The following CLPP variants were observed in gnomAD, a reference collection of about 807,000 sequenced individuals.
CLPP encodes the protein caseinolytic mitochondrial matrix peptidase proteolytic subunit, also known as ATP-dependent Clp protease proteolytic subunit, mitochondrial.
Under a neutral mutation model 27.4 loss-of-function variants are expected in CLPP, and 14 were observed. That is an observed-to-expected ratio of 0.51 (90% CI 0.34 to 0.80). CLPP has a LOEUF of 0.80. Among genes scored for constraint, CLPP ranks in the 30% least tolerant of loss-of-function variants. The pLI is 0.02. For synonymous variants in CLPP, 193 were observed against 166.6 expected (o/e 1.16, Z -1.22); for missense variants, 361 against 403.6 (o/e 0.89, Z 0.90).
At chr19:6,367,835 TG>T (rs1195640583) in intron 5 of CLPP, among the ~76,000 whole-genome samples, 1 of 151,822 alleles carries the variant, frequency 6.6e-6, no homozygotes, top group African/African-American at 2.4e-5. Context: ...CCCTAGTAGC[TG>T]GGATTACAGG....
chr19:6,369,516 G>T lies in CLPP; in HGVS notation c.*806G>T, dbSNP rs1359312166. On this transcript the variant is annotated 3_prime_UTR_variant, in exon 6 of 6. Coordinates refer to ENST00000245816, the MANE Select transcript of CLPP (RefSeq NM_006012.4). Reference sequence around the variant, plus strand: ...AATCAGGGAAGCCCTCACTGAGAAGGTGGTGGTTGAGCAAAGCCTCAAAGG... The same window carrying T: ...AATCAGGGAAGCCCTCACTGAGAAGTTGGTGGTTGAGCAAAGCCTCAAAGG... 6.6e-6 allele frequency among the ~76,000 whole-genome samples: 1 copy of T among 152,142 alleles called. No individual in the cohort carries two copies. Among genetic ancestry groups the T allele is most frequent in the Non-Finnish European group, 1.5e-5 (1 of 68,028 alleles).
chr19:6,363,788 G>C (rs933167794), intron 3 of CLPP, among the ~76,000 whole-genome samples: 1 of 151,450 alleles, frequency 6.6e-6, no homozygotes, highest in Non-Finnish European at 1.5e-5. Flanking sequence ...CCAGCTACTC[G>C]GGAGGCTGAG....
At chr19:6,363,125 AT>A (rs1555719472) in intron 3 of CLPP, among the ~76,000 whole-genome samples, 634 of 136,148 alleles carry the variant, frequency 4.7e-3, no homozygotes, top group Non-Finnish European at 4.6e-3. Context: ...TGATGGAGGC[AT>A]TTTTTTTTTT....
chr19:6,362,434 C>T lies in CLPP; in HGVS notation c.271-12C>T. 1 of 1,606,162 alleles carries T rather than the reference C, an allele frequency of 6.2e-7. No homozygotes were observed. Among genetic ancestry groups the T allele is most frequent in the Non-Finnish European group, 8.5e-7 (1 of 1,172,714 alleles). ...CCGAATCTGGGGACACCCCTGCCCT[C>T]TCCACCTGCAGATCGATGACAGCGT... On this transcript the variant is annotated splice_polypyrimidine_tract_variant and intron_variant, in intron 2 of 5. Transcript: ENST00000245816.
intron 5 of CLPP, among the ~76,000 whole-genome samples, chr19:6,367,304 G>A (rs1257433896): frequency 2.0e-5 from 3 of 151,316 alleles, no homozygotes; most frequent in Admixed American, 1.3e-4. Context: ...GAACCTGAGA[G>A]GCGGAGGTTG....
At chr19:6,368,497 GCTCTTAC>G in intron 5 of CLPP, 34 bp from the exon 6 acceptor site, 1 of 1,610,588 alleles carries the variant, frequency 6.2e-7, no homozygotes, top group Non-Finnish European at 8.5e-7. Flanking sequence ...CTGGGTCTCT[GCTCTTAC>G]CCTAATGTGT....
At chr19:6,367,535 G>A (rs2091868775) in intron 5 of CLPP, among the ~76,000 whole-genome samples, 1 of 152,010 alleles carries the variant, frequency 6.6e-6, no homozygotes. Flanking sequence ...TTGCTTTGGG[G>A]TATGGGGAGG....
chr19:6,368,790 T>G lies in CLPP; in HGVS notation c.*80T>G. ...CCAGCTGGGCCCTGCTCACCCCTTGTTGCTGGGCTTGGAGGGGCCTCTTGA... is the reference window on the plus strand; with the variant it reads ...CCAGCTGGGCCCTGCTCACCCCTTGGTGCTGGGCTTGGAGGGGCCTCTTGA... On this transcript the variant is annotated 3_prime_UTR_variant, in exon 6 of 6. Transcript: ENST00000245816. 7.3e-7 allele frequency: 1 copy of G among 1,365,284 alleles called. No homozygotes were observed. Among genetic ancestry groups the G allele is most frequent in the Non-Finnish European group, 9.9e-7 (1 of 1,009,516 alleles). The allele number at this position is 1,365,284 out of a possible 1,614,324, so 84.6% of individuals were successfully genotyped here.
At chr19:6,363,801 A>G (rs1293917691) in intron 3 of CLPP, among the ~76,000 whole-genome samples, 1 of 151,380 alleles carries the variant, frequency 6.6e-6, no homozygotes, top group East Asian at 2.0e-4. Flanking sequence ...AGGCTGAGGC[A>G]GGAGAATTGC....
At position 6,370,145 on chromosome 19, in the gene CLPP, G is replaced by T. The variant is rs2091880985; in HGVS notation, c.*1435G>T. Reference sequence around the variant, plus strand: ...AGGCAAAGGAACAGGCTTGGGGAGGGATCAGGAGTTGATTTTGGATATATT... The same window carrying T: ...AGGCAAAGGAACAGGCTTGGGGAGGTATCAGGAGTTGATTTTGGATATATT... On this transcript the variant is annotated 3_prime_UTR_variant, in exon 6 of 6. Coordinates refer to ENST00000245816, the MANE Select transcript of CLPP (RefSeq NM_006012.4). Among the ~76,000 whole-genome samples, 2 of 152,214 alleles carry T rather than the reference G, an allele frequency of 1.3e-5. No individual in the cohort carries two copies. Among genetic ancestry groups the T allele is most frequent in the Admixed American group, 1.3e-4 (2 of 15,274 alleles).
At chr19:6,364,355 G>A (rs112436446) in intron 3 of CLPP, 97 bp from the exon 4 acceptor site, 2 of 1,124,444 alleles carry the variant, frequency 1.8e-6, no homozygotes, top group South Asian at 1.5e-5. Context: ...AAAGGAGGGG[G>A]GCTGCATCTG....
In CLPP at chr19:6,369,424, A is replaced by C. The variant is rs531443677; in HGVS notation, c.*714A>C. 2.1e-3 allele frequency among the ~76,000 whole-genome samples: 312 copies of C among 151,794 alleles called. 1 individual carries two copies. The highest frequency in any genetic ancestry group is 6.1e-3 in the African/African-American group (253 of 41,354). ...AGCAAGGCTCTGTCTCAAAAAAAAA[A>C]AAAAACAAAAACAGGAAAGGTGGCA... is the stretch of plus-strand genomic sequence containing the variant. On this transcript the variant is annotated 3_prime_UTR_variant, in exon 6 of 6. Transcript: ENST00000245816.
rs551697175 is a variant in CLPP at position 6,368,646 on chromosome 19, C to T, written c.770C>T (p.Thr257Met). ...HPPQDGEDEP[T>M]LVQKEPVEAA... ...CCCCAGGACGGTGAGGATGAGCCCA[C>T]GCTGGTGCAGAAGGAGCCTGTAGAA... The change falls in exon 6 of 6, where the codon ACG becomes ATG. Residue 257 changes from threonine to methionine, a missense_variant. Thr to Met is a moderately conservative substitution (Grantham distance 81, BLOSUM62 -1). This residue lies in a region of CLPP where 213 missense variants were observed against 280.9 expected (regional missense o/e 0.76). Transcript: ENST00000245816. The T allele has an allele frequency of 1.6e-5, 26 of 1,603,976 alleles. No homozygotes were observed. In the African/African-American group the frequency reaches 1.9e-4, roughly 12 times the overall value.
rs984114472 is a variant in CLPP, at chr19:6,368,416, T to C, written c.662-122T>C. The C allele has an allele frequency of 7.6e-6, 7 of 920,108 alleles. No individual in the cohort carries two copies. In the East Asian group the frequency reaches 1.6e-4, roughly 21 times the overall value. 57.0% of individuals were successfully genotyped at this position (920,108 alleles called of 1,614,324 possible). On this transcript the variant is annotated intron_variant, in intron 5 of 5. Coordinates refer to ENST00000245816, the MANE Select transcript of CLPP (RefSeq NM_006012.4). ...CTCCAAATCCCATCCCACTAGGGGA[T>C]GGGGCTTCAACATATGAACTTGGGG...
chr19:6,362,606 C>T, intron 3 of CLPP, 64 bp downstream of exon 3: 1 of 1,125,554 alleles, frequency 8.9e-7, no homozygotes, highest in Non-Finnish European at 1.4e-6. Flanking sequence ...CTCAGGGGAC[C>T]AGAATCCCGG....
At chr19:6,361,813 C>A in intron 1 of CLPP, 41 bp downstream of exon 1, 2 of 1,493,600 alleles carry the variant, frequency 1.3e-6, no homozygotes, top group Non-Finnish European at 1.8e-6. Context: ...GGGCTCCGGG[C>A]TGGGTGGGGA....
At chr19:6,367,017 T>G (rs1249900192) in intron 5 of CLPP, among the ~76,000 whole-genome samples, 1 of 151,610 alleles carries the variant, frequency 6.6e-6, no homozygotes, top group Non-Finnish European at 1.5e-5. Flanking sequence ...AGTGGGAGGA[T>G]CACTTGAGTT....
chr19:6,368,399 C>A, intron 5 of CLPP, 139 bp from the exon 6 acceptor site: 1 of 814,270 alleles, frequency 1.2e-6, no homozygotes, highest in Non-Finnish European at 2.0e-6. Flanking sequence ...ATCTCCAAAT[C>A]CCATCCCACT....
At chr19:6,365,808 G>T (rs1224265850) in intron 4 of CLPP, among the ~76,000 whole-genome samples, 1 of 139,404 alleles carries the variant, frequency 7.2e-6, no homozygotes, top group Non-Finnish European at 1.5e-5. Context: ...AACAGAGGAA[G>T]ACCCTGTCTC....
Sources: allele counts gnomAD v4.1 joint callset (sites outside exome capture counted in the v4.1 genomes callset), GRCh38; gene constraint gnomAD v4.1.1; regional missense constraint gnomAD v4.1.1; transcripts MANE v1.5; gene names NCBI Gene and HGNC (gene_info 2026-07-23, HGNC 2026-07-21).